The following SV2C variants were observed in gnomAD, a reference collection of about 807,000 sequenced individuals.
SV2C encodes the protein solute carrier family 22 member B3.
A neutral mutation model predicts 79.7 loss-of-function variants in SV2C; 49 were observed. The observed-to-expected ratio is 0.61, with a 90% confidence interval of 0.49 to 0.78. The LOEUF is 0.78. SV2C is among the 30% of genes least tolerant of loss of function. SV2C has a pLI of 0.00. For missense variants in SV2C, 833 were observed against 912.9 expected, an observed-to-expected ratio of 0.91 and a Z score of 1.13; for synonymous variants, 334 against 333.2, an observed-to-expected ratio of 1.00 and a Z score of -0.03.
chr5:76,116,700 G>C (rs1454489234), intron 1 of SV2C, among the ~76,000 whole-genome samples: 1 of 152,212 alleles, frequency 6.6e-6, no homozygotes, highest in Non-Finnish European at 1.5e-5. Context: ...AATGCCTTTG[G>C]CCATTGGATG....
chr5:76,203,414 C>G (rs150338714), intron 3 of SV2C, among the ~76,000 whole-genome samples: 2 of 152,176 alleles, frequency 1.3e-5, no homozygotes, highest in Admixed American at 1.3e-4. Context: ...TCTGCATGTT[C>G]TATCATTAAT....
the SV2C span, among the ~76,000 whole-genome samples, chr5:75,958,052 C>T: frequency 9.2e-5 from 14 of 152,042 alleles, no homozygotes; most frequent in South Asian, 1.7e-3. Flanking sequence ...GAGCATAGCC[C>T]GTGGTGCTAC....
chr5:76,020,012 C>T, the SV2C span, among the ~76,000 whole-genome samples: 389 of 152,234 alleles, frequency 2.6e-3, no homozygotes, highest in Middle Eastern at 0.014. Flanking sequence ...AACTTAATGA[C>T]GTAAAACGAT....
intron 4 of SV2C, among the ~76,000 whole-genome samples, chr5:76,228,569 C>T (rs140985014): frequency 6.6e-5 from 10 of 152,150 alleles, no homozygotes; most frequent in East Asian, 5.8e-4. Context: ...CAGACTGCCA[C>T]GGTTTTATGT....
At chr5:76,072,338 GTT>G in the SV2C span, among the ~76,000 whole-genome samples, 1 of 152,222 alleles carries the variant, frequency 6.6e-6, no homozygotes, top group South Asian at 2.1e-4. Context: ...GTGTTGGAGA[GTT>G]TGTGGGATTT....
At chr5:76,247,993 A>G (rs1320039951) in intron 4 of SV2C, among the ~76,000 whole-genome samples, 1 of 152,242 alleles carries the variant, frequency 6.6e-6, no homozygotes, top group Non-Finnish European at 1.5e-5. Flanking sequence ...GTAATGAAGG[A>G]AAGAAATTAA....
intron 1 of SV2C, among the ~76,000 whole-genome samples, chr5:76,107,536 G>A (rs940091133): frequency 5.9e-5 from 9 of 152,284 alleles, no homozygotes; most frequent in Non-Finnish European, 1.3e-4. Flanking sequence ...GATTACAGCA[G>A]TTACATAAAG....
intron 2 of SV2C, among the ~76,000 whole-genome samples, chr5:76,150,964 G>A (rs908289762): frequency 7.2e-5 from 11 of 152,046 alleles, no homozygotes; most frequent in Non-Finnish European, 1.2e-4. Context: ...TTACCTAGTC[G>A]GTGCAAGCCA....
At chr5:76,062,098 T>C in the SV2C span, among the ~76,000 whole-genome samples, 1 of 152,064 alleles carries the variant, frequency 6.6e-6, no homozygotes, top group Non-Finnish European at 1.5e-5. Flanking sequence ...TTCAATCTAA[T>C]AGAAACTGGG....
chr5:76,077,212 C>T, the SV2C span, among the ~76,000 whole-genome samples: 2 of 152,112 alleles, frequency 1.3e-5, no homozygotes, highest in African/African-American at 2.4e-5. Flanking sequence ...ATAAGCCTCT[C>T]GATCTATTTT....
chr5:76,267,802 C>A (rs1746715196), intron 4 of SV2C, among the ~76,000 whole-genome samples: 1 of 152,184 alleles, frequency 6.6e-6, no homozygotes, highest in Admixed American at 6.5e-5. Flanking sequence ...ATATTCTAAG[C>A]AAAGGAAAGA....
At chr5:76,203,483 GAAGGCATTCTTCCAACTCTATC>G (rs1273033675) in intron 3 of SV2C, among the ~76,000 whole-genome samples, 1 of 152,126 alleles carries the variant, frequency 6.6e-6, no homozygotes, top group Non-Finnish European at 1.5e-5. Flanking sequence ...GATGCTATGG[GAAGGCATTCTTCCAACTCTATC>G]AATAGCTAAT....
At chr5:75,970,659 C>T in the SV2C span, among the ~76,000 whole-genome samples, 1 of 152,134 alleles carries the variant, frequency 6.6e-6, no homozygotes, top group Non-Finnish European at 1.5e-5. Flanking sequence ...CAATAATAGG[C>T]TATGAAATTG....
chr5:76,224,587 AG>A (rs1253159741), intron 4 of SV2C, among the ~76,000 whole-genome samples: 1 of 152,188 alleles, frequency 6.6e-6, no homozygotes, highest in Non-Finnish European at 1.5e-5. Flanking sequence ...ATTGTTCCCC[AG>A]ATTTCCATGA....
chr5:76,170,738 G>A (rs1483105426), intron 2 of SV2C, among the ~76,000 whole-genome samples: 1 of 149,724 alleles, frequency 6.7e-6, no homozygotes, highest in Non-Finnish European at 1.5e-5. Flanking sequence ...CAAGATCACT[G>A]TCTCCACAGG....
intron 4 of SV2C, among the ~76,000 whole-genome samples, chr5:76,238,363 T>C (rs2112415374): frequency 6.6e-6 from 1 of 152,190 alleles, no homozygotes; most frequent in Middle Eastern, 3.4e-3. Flanking sequence ...CCTTTCATTG[T>C]TTCATGGCTG....
intron 4 of SV2C, among the ~76,000 whole-genome samples, chr5:76,216,694 A>G (rs1390569041): frequency 6.6e-6 from 1 of 152,198 alleles, no homozygotes; most frequent in East Asian, 1.9e-4. Flanking sequence ...AATAAGCAGT[A>G]TCTTCAAGAA....
the SV2C span, among the ~76,000 whole-genome samples, chr5:76,046,921 C>T: frequency 5.9e-3 from 904 of 152,288 alleles, 15 homozygotes; most frequent in African/African-American, 0.021. Context: ...TTTTTTCAGG[C>T]CTGTCTTTAT....
the SV2C span, among the ~76,000 whole-genome samples, chr5:76,049,024 A>AAAGAAAGAAAGAAAGAAAGAAAGAAAGAG: frequency 6.9e-3 from 830 of 120,588 alleles, 63 homozygotes; most frequent in East Asian, 0.019. Flanking sequence ...AGAAAGAAAG[A>AAAGAAAGAAAGAAAGAAAGAAAGAAAGAG]AAAAGAAAAG....
Sources: allele counts gnomAD v4.1 joint callset (sites outside exome capture counted in the v4.1 genomes callset), GRCh38; gene constraint gnomAD v4.1.1; transcripts MANE v1.5; gene names NCBI Gene and HGNC (gene_info 2026-07-23, HGNC 2026-07-21).